The following TACR3 variants were observed in gnomAD, a reference collection of about 807,000 sequenced individuals.
The protein encoded by TACR3 is tachykinin receptor 3.
In TACR3, 34 loss-of-function variants were observed where a neutral mutation model predicts 35.0. That is an observed-to-expected ratio of 0.97 (90% CI 0.74 to 1.30). The LOEUF (loss-of-function observed/expected upper bound fraction) is 1.30, where lower values mean the gene tolerates loss of function less well. TACR3 is among the 50% of genes most tolerant of loss of function. The pLI, the probability that TACR3 is intolerant of heterozygous loss-of-function variation, is 0.00. For missense variants in TACR3, 558 were observed against 591.7 expected (o/e 0.94, Z 0.59); for synonymous variants, 233 against 221.1 (o/e 1.05, Z -0.48).
intron 1 of TACR3, among the ~76,000 whole-genome samples, chr4:103,710,083 C>T (rs537678358): frequency 3.3e-4 from 51 of 152,262 alleles, no homozygotes; most frequent in African/African-American, 1.2e-3. Flanking sequence ...CCCCTGTCAA[C>T]ATTAGACAGA....
rs192204318 is a variant in TACR3 at position 103,597,050 on chromosome 4, C to T, written c.889-5367G>A. 7.7e-3 allele frequency among the ~76,000 whole-genome samples: 1,171 copies of T among 152,036 alleles called. 18 individuals carry two copies. The highest frequency in any genetic ancestry group is 0.034 in the South Asian group (166 of 4,818). On this transcript the variant is annotated intron_variant, in intron 3 of 4. Coordinates refer to ENST00000304883, the MANE Select transcript of TACR3 (RefSeq NM_001059.3). ...AAGTCTTTGCTATTGTGAATAGTGC[C>T]GCAATAAACACATGTGTGCATGCGT...
Position 103,719,866 on chromosome 4 carries a change from T to C in TACR3, c.-191A>G. The C allele has an allele frequency of 5.9e-6, 4 of 680,206 alleles. No individual in the cohort carries two copies. The highest frequency in any genetic ancestry group is 9.8e-6 in the Non-Finnish European group (4 of 409,946). The allele number at this position is 680,206 out of a possible 1,614,324, so 42.1% of individuals were successfully genotyped here. ...GGGGCTAAGGGGCAACAGCTGCACTTTCTCAGAGGCGCTTGCGGCTCTGGC... is the reference window on the plus strand; with the variant it reads ...GGGGCTAAGGGGCAACAGCTGCACTCTCTCAGAGGCGCTTGCGGCTCTGGC... On this transcript the variant is annotated 5_prime_UTR_variant, in exon 1 of 5. Coordinates refer to ENST00000304883, the MANE Select transcript of TACR3 (RefSeq NM_001059.3).
At chr4:103,656,508 CTTATAT>C (rs1409865490) in intron 2 of TACR3, among the ~76,000 whole-genome samples, 164 bp from the exon 3 acceptor site, 3 of 152,058 alleles carry the variant, frequency 2.0e-5, no homozygotes, top group Non-Finnish European at 4.4e-5. Flanking sequence ...GCTATTGTCA[CTTATAT>C]TTATGTTTCA....
At chr4:103,707,021 T>C (rs1340114058) in intron 1 of TACR3, among the ~76,000 whole-genome samples, 1 of 152,244 alleles carries the variant, frequency 6.6e-6, no homozygotes, top group Non-Finnish European at 1.5e-5. Flanking sequence ...GATACATGTT[T>C]AGTACCTGAA....
At chr4:103,615,103 A>C (rs1315671521) in intron 3 of TACR3, among the ~76,000 whole-genome samples, 2 of 151,660 alleles carry the variant, frequency 1.3e-5, no homozygotes, top group African/African-American at 4.8e-5. Flanking sequence ...TCACTGTGTT[A>C]GCCAGGATGG....
intron 3 of TACR3, among the ~76,000 whole-genome samples, chr4:103,603,405 G>A (rs537392412): frequency 2.6e-5 from 4 of 152,282 alleles, no homozygotes; most frequent in East Asian, 1.9e-4. Context: ...CCACTGTCTT[G>A]CACCTACTGT....
chr4:103,662,284 G>T (rs1360286040), intron 1 of TACR3, among the ~76,000 whole-genome samples: 1 of 147,760 alleles, frequency 6.8e-6, no homozygotes, highest in Admixed American at 6.8e-5. Flanking sequence ...GCAGTGGCAC[G>T]ATCTTGGCTC....
At chr4:103,592,702 G>A (rs1345416890) in intron 3 of TACR3, among the ~76,000 whole-genome samples, 2 of 152,138 alleles carry the variant, frequency 1.3e-5, no homozygotes, top group African/African-American at 2.4e-5. Context: ...ACAAATCAGG[G>A]AAAGCTCTGA....
At position 103,616,226 on chromosome 4, in the gene TACR3, A is replaced by G. The variant is rs116638855; in HGVS notation, c.889-24543T>C. Reference sequence around the variant, plus strand: ...ACAACCAAAGAAAAAAAGACAGGACATATTATTATAAAGATGTTTCCAATA... The same window carrying G: ...ACAACCAAAGAAAAAAAGACAGGACGTATTATTATAAAGATGTTTCCAATA... On this transcript the variant is annotated intron_variant, in intron 3 of 4. Coordinates refer to ENST00000304883, the MANE Select transcript of TACR3 (RefSeq NM_001059.3). Among the ~76,000 whole-genome samples, 886 of 152,280 alleles carry G rather than the reference A, an allele frequency of 5.8e-3. 11 individuals are homozygous for G. Among genetic ancestry groups the G allele is most frequent in the African/African-American group, 0.02 (819 of 41,558 alleles).
chr4:103,719,849 G>C lies in TACR3; in HGVS notation c.-174C>G. 1 of 802,240 alleles carries C rather than the reference G, an allele frequency of 1.2e-6. No homozygotes were observed. Among genetic ancestry groups the C allele is most frequent in the East Asian group, 2.7e-5 (1 of 37,142 alleles). 49.7% of individuals were successfully genotyped at this position (802,240 alleles called of 1,614,324 possible). On this transcript the variant is annotated 5_prime_UTR_variant, in exon 1 of 5. Coordinates refer to ENST00000304883, the MANE Select transcript of TACR3 (RefSeq NM_001059.3). Reference sequence around the variant, plus strand: ...GGTTAGGGGATGCAGCTGGGGCTAAGGGGCAACAGCTGCACTTTCTCAGAG... The same window carrying C: ...GGTTAGGGGATGCAGCTGGGGCTAACGGGCAACAGCTGCACTTTCTCAGAG...
At chr4:103,707,886 A>T (rs1023087575) in intron 1 of TACR3, among the ~76,000 whole-genome samples, 3 of 152,228 alleles carry the variant, frequency 2.0e-5, no homozygotes, top group African/African-American at 7.2e-5. Flanking sequence ...TCCCACACCC[A>T]AGGAGCCTTA....
At chr4:103,623,383 AT>A (rs968635720) in intron 3 of TACR3, among the ~76,000 whole-genome samples, 31 of 150,664 alleles carry the variant, frequency 2.1e-4, no homozygotes, top group South Asian at 4.2e-4. Context: ...ATTTTTCTCT[AT>A]TTTTTTTTAA....
intron 1 of TACR3, among the ~76,000 whole-genome samples, chr4:103,682,116 C>T (rs115570965): frequency 0.018 from 2,697 of 152,160 alleles, 88 homozygotes; most frequent in African/African-American, 0.063. Context: ...GTCTGTAAAA[C>T]AACACCTTTT....
At chr4:103,645,284 A>G (rs1425305427) in intron 3 of TACR3, among the ~76,000 whole-genome samples, 3 of 151,984 alleles carry the variant, frequency 2.0e-5, no homozygotes, top group Non-Finnish European at 2.9e-5. Flanking sequence ...ATAAAATATG[A>G]TGTAAATATT....
At chr4:103,595,614 G>C (rs73835383) in intron 3 of TACR3, among the ~76,000 whole-genome samples, 5,267 of 152,030 alleles carry the variant, frequency 0.035, 335 homozygotes, top group African/African-American at 0.12. Context: ...ATTAGTGTAG[G>C]ATGGATGATT....
At position 103,717,700 on chromosome 4, in the gene TACR3, G is replaced by A. The variant is rs573255020; in HGVS notation, c.548+1428C>T. ...AAACATATACTATAAGAAATAAAAA[G>A]AAAAACAAACAAAGCAAAACAAGCA... is the stretch of plus-strand genomic sequence containing the variant. On this transcript the variant is annotated intron_variant, in intron 1 of 4. Transcript: ENST00000304883. 8.6e-4 allele frequency among the ~76,000 whole-genome samples: 130 copies of A among 151,956 alleles called. 1 individual carries two copies. The Middle Eastern group carries it at 0.01, about 12-fold the overall frequency.
At chr4:103,664,234 T>A (rs952134499) in intron 1 of TACR3, among the ~76,000 whole-genome samples, 1 of 152,230 alleles carries the variant, frequency 6.6e-6, no homozygotes, top group Non-Finnish European at 1.5e-5. Flanking sequence ...TACCACTTAC[T>A]ATTTTTCTGA....
chr4:103,643,987 A>T (rs930347323), intron 3 of TACR3, among the ~76,000 whole-genome samples: 2 of 151,770 alleles, frequency 1.3e-5, no homozygotes, highest in African/African-American at 4.8e-5. Context: ...TTATCTTTTT[A>T]AAAAAGAATA....
At chr4:103,600,133 G>C (rs910621619) in intron 3 of TACR3, among the ~76,000 whole-genome samples, 1 of 150,964 alleles carries the variant, frequency 6.6e-6, no homozygotes, top group African/African-American at 2.4e-5. Context: ...CAATTTCACA[G>C]CCTGTTATTG....
Sources: gnomAD v4.1 joint callset for allele counts (sites outside exome capture counted in the v4.1 genomes callset) on GRCh38, gnomAD v4.1.1 for gene constraint, MANE v1.5 for transcripts, NCBI Gene and HGNC (gene_info 2026-07-23, HGNC 2026-07-21) for gene names.